Variants in FILIP1 observed in about 807,000 individuals in gnomAD.
The protein encoded by FILIP1 is filamin A interacting protein 1.
In FILIP1, 61 loss-of-function variants were observed where a neutral mutation model predicts 102.1. That is an observed-to-expected ratio of 0.60 (90% confidence interval 0.49 to 0.74). FILIP1 has a LOEUF of 0.74. Among genes scored for constraint, FILIP1 ranks in the 30% least tolerant of loss-of-function variants. The pLI, the probability that FILIP1 is intolerant of heterozygous loss-of-function variation, is 0.00. For missense variants in FILIP1, 1,314 were observed against 1,441.2 expected (o/e 0.91, Z 1.43); for synonymous variants, 491 against 526.9 (o/e 0.93, Z 0.93).
rs1352128596 is a variant in FILIP1, at chr6:75,493,578, A to G, written c.-171T>C. On this transcript the variant is annotated 5_prime_UTR_variant, in exon 1 of 6. Coordinates refer to ENST00000237172, the MANE Select transcript of FILIP1 (RefSeq NM_015687.5). ...AGCTTTTCCCACTTTCTTTCCCAGG[A>G]CCAGCCAATAGCTGAAGTCATGCAG... 6.6e-6 allele frequency: 1 copy of G among 152,230 alleles called. No individual in the cohort carries two copies. The highest frequency in any genetic ancestry group is 2.1e-4 in the South Asian group (1 of 4,826). The allele number at this position is 152,230 out of a possible 1,614,324, so 9.4% of individuals were successfully genotyped here.
chr6:75,331,486 A>T (rs1191769596), intron 4 of FILIP1, among the ~76,000 whole-genome samples: 1 of 152,218 alleles, frequency 6.6e-6, no homozygotes, highest in Non-Finnish European at 1.5e-5. Flanking sequence ...GGGGATAGGA[A>T]TAAAAATATA....
intron 4 of FILIP1, among the ~76,000 whole-genome samples, chr6:75,341,380 A>G (rs1321478577): frequency 6.6e-6 from 1 of 150,438 alleles, no homozygotes; most frequent in Non-Finnish European, 1.5e-5. Context: ...CTGGTCTTGA[A>G]CTCCTGGGAT....
rs1398988428 is a variant in FILIP1 at position 75,308,681 on chromosome 6, G to C, written c.*10C>G. 5.0e-6 allele frequency: 8 copies of C among 1,612,222 alleles called. No individual in the cohort carries two copies. The highest frequency in any genetic ancestry group is 6.8e-6 in the Non-Finnish European group (8 of 1,179,972). On this transcript the variant is annotated 3_prime_UTR_variant, in exon 6 of 6. Coordinates refer to ENST00000237172, the MANE Select transcript of FILIP1 (RefSeq NM_015687.5). ...AGCATCTGCACAACATACCCCCTTA[G>C]CCACTGCCCTCAGCCCTTCCCCCCT...
chr6:75,468,794 A>C (rs1231638689), intron 1 of FILIP1, among the ~76,000 whole-genome samples: 1 of 152,150 alleles, frequency 6.6e-6, no homozygotes, highest in East Asian at 1.9e-4. Context: ...ATATTATATT[A>C]ATATTTCCCA....
At chr6:75,490,234 T>C (rs1328319795) in intron 1 of FILIP1, among the ~76,000 whole-genome samples, 1 of 152,072 alleles carries the variant, frequency 6.6e-6, no homozygotes, top group Non-Finnish European at 1.5e-5. Flanking sequence ...GAAAATTCCA[T>C]AGGGTTTCTT....
intron 4 of FILIP1, chr6:75,319,192 T>A: frequency 1.3e-6 from 1 of 748,380 alleles, no homozygotes; most frequent in Non-Finnish European, 2.4e-6. Context: ...TGCAGCAATA[T>A]CCTTTTCTTG....
intron 6 of FILIP1, chr6:75,297,017 T>A (rs770935210): frequency 2.6e-5 from 4 of 152,112 alleles, no homozygotes; most frequent in Admixed American, 1.3e-4. Flanking sequence ...ATGAGACAGA[T>A]TCCTAACATC....
In FILIP1 at chr6:75,312,642, C is replaced by A; in HGVS notation, c.3190G>T (p.Asp1064Tyr). The A allele has an allele frequency of 6.2e-7, 1 of 1,614,132 alleles. No homozygotes were observed. Among genetic ancestry groups the A allele is most frequent in the South Asian group, 1.1e-5 (1 of 91,066 alleles). Residue 1064 changes from aspartate (D) to tyrosine (Y), a missense_variant, in exon 5 of 6, where the codon GAC becomes TAC. By Grantham distance (160) the Asp-to-Tyr change is radical (BLOSUM62 -3). Around this residue, in one of 3 missense-constraint regions of FILIP1, gnomAD observed 816 missense variants for 913.1 expected, o/e 0.89. Transcript: ENST00000237172. Reference sequence around the variant, plus strand: ...CCTAAGTGAATGTGAATTTTATTGTCCTCTGTGGTTATGATATTGGCATTG... The same window carrying A: ...CCTAAGTGAATGTGAATTTTATTGTACTCTGTGGTTATGATATTGGCATTG... ...NSNANIITTE[D>Y]NKIHIHLGSQ... is the part of the protein sequence containing the mutation.
chr6:75,364,939 C>T (rs1477918455), intron 2 of FILIP1, among the ~76,000 whole-genome samples: 17 of 152,160 alleles, frequency 1.1e-4, no homozygotes, highest in Non-Finnish European at 2.9e-5. Context: ...GAGACAAACT[C>T]GTCTTTAAAG....
intron 1 of FILIP1, among the ~76,000 whole-genome samples, chr6:75,489,825 A>T (rs549939135): frequency 1.1e-3 from 173 of 152,102 alleles, no homozygotes; most frequent in South Asian, 5.6e-3. Flanking sequence ...TATATATATT[A>T]AAAAAATGTA....
chr6:75,330,061 G>A (rs1197029135), intron 4 of FILIP1, among the ~76,000 whole-genome samples: 9 of 152,044 alleles, frequency 5.9e-5, no homozygotes, highest in Admixed American at 5.9e-4. Flanking sequence ...ATGAGGGTTG[G>A]GTTGTACAAC....
At chr6:75,406,681 A>G (rs1776860593) in intron 2 of FILIP1, among the ~76,000 whole-genome samples, 1 of 137,280 alleles carries the variant, frequency 7.3e-6, no homozygotes, top group Non-Finnish European at 1.5e-5. Context: ...TTTTTTTCAG[A>G]CGGAGTCTTG....
chr6:75,330,761 A>G (rs544274773), intron 4 of FILIP1, among the ~76,000 whole-genome samples: 16 of 152,306 alleles, frequency 1.1e-4, no homozygotes, highest in Admixed American at 8.5e-4. Context: ...AATTATCATA[A>G]ATGAAGTTTT....
At chr6:75,303,324 T>C (rs148232266), downstream of FILIP1, among the ~76,000 whole-genome samples, 22 of 152,226 alleles carry the variant, frequency 1.4e-4, no homozygotes, top group Non-Finnish European at 2.5e-4. Context: ...TGGGTGTAGA[T>C]GAAATAACCA....
chr6:75,429,352 C>T (rs369160775), intron 1 of FILIP1, among the ~76,000 whole-genome samples: 11 of 152,184 alleles, frequency 7.2e-5, no homozygotes, highest in South Asian at 4.1e-4. Flanking sequence ...GTCAAAGAAA[C>T]GTCCTGGAGA....
intron 2 of FILIP1, among the ~76,000 whole-genome samples, chr6:75,412,138 T>C (rs1554209572): frequency 6.6e-6 from 1 of 152,200 alleles, no homozygotes; most frequent in Non-Finnish European, 1.5e-5. Flanking sequence ...TCACATCCCT[T>C]GTAAGTTGTA....
intron 1 of FILIP1, among the ~76,000 whole-genome samples, chr6:75,479,608 C>A (rs1305176963): frequency 1.3e-5 from 2 of 151,928 alleles, no homozygotes; most frequent in Admixed American, 6.6e-5. Context: ...GTGGCTCATG[C>A]CTGTAATCCC....
chr6:75,373,277 G>C lies in FILIP1; in HGVS notation c.277-10360C>G, dbSNP rs898697268. 7.2e-5 allele frequency among the ~76,000 whole-genome samples: 11 copies of C among 152,184 alleles called. 1 individual carries two copies. Among genetic ancestry groups the C allele is most frequent in the African/African-American group, 2.7e-4 (11 of 41,442 alleles). On this transcript the variant is annotated intron_variant, in intron 2 of 5. Coordinates refer to ENST00000237172, the MANE Select transcript of FILIP1 (RefSeq NM_015687.5). The stretch of plus-strand genomic sequence containing the variant: ...AACACTGGGTGGTTGCCAGGGCAGA[G>C]AGCAAGGGGAAAAGGGATGCTATTT...
intron 3 of FILIP1, among the ~76,000 whole-genome samples, chr6:75,354,570 C>CAAA (rs57366739): frequency 1.0e-5 from 1 of 97,556 alleles, no homozygotes. Context: ...GACTCCATCT[C>CAAA]AAAAAAAAAA....
Sources: allele counts gnomAD v4.1 joint callset (sites outside exome capture counted in the v4.1 genomes callset), GRCh38; gene constraint gnomAD v4.1.1; regional missense constraint gnomAD v4.1.1; transcripts MANE v1.5; gene names NCBI Gene and HGNC (gene_info 2026-07-23, HGNC 2026-07-21).